The following REPS2 variants were observed in gnomAD, a reference collection of about 807,000 sequenced individuals.
REPS2 encodes RALBP1 associated Eps domain containing 2.
A neutral mutation model predicts 53.6 loss-of-function variants in REPS2; 23 were observed. The observed-to-expected ratio is 0.43, with a 90% CI of 0.31 to 0.61. The LOEUF is 0.61. REPS2 is among the 20% of genes least tolerant of loss of function. The pLI is 0.11. For missense variants in REPS2, 446 were observed against 534.9 expected, an observed-to-expected ratio of 0.83 and a Z score of 1.64; for synonymous variants, 238 against 218.6, an observed-to-expected ratio of 1.09 and a Z score of -0.78.
rs942301362 is a variant in REPS2 at position 17,040,715 on chromosome X, C to T, written c.772-6632C>T. ...TCTTTTCTTTTTAACTGGGAATCTC[C>T]TTCAAATCCATGGAAGATGAACCTA... On this transcript the variant is annotated intron_variant, in intron 5 of 17. Coordinates refer to ENST00000357277, the MANE Select transcript of REPS2 (RefSeq NM_004726.3). Among the ~76,000 whole-genome samples the T allele has an allele frequency of 2.7e-5, 3 of 112,238 alleles. No individual in the cohort carries two copies. In the East Asian group the frequency reaches 8.3e-4, roughly 31 times the overall value.
chrX:17,101,342 G>A (rs5924548), intron 13 of REPS2, among the ~76,000 whole-genome samples: 43,544 of 110,003 alleles, frequency 0.4, 6,650 homozygotes, highest in East Asian at 0.82. Flanking sequence ...GATTACAAGC[G>A]TGAGCCATCG....
rs192341506 is a variant in REPS2 at position 17,009,325 on chromosome X, A to G, written c.397+2981A>G. Among the ~76,000 whole-genome samples the G allele has an allele frequency of 2.7e-5, 3 of 111,086 alleles. No individual in the cohort carries two copies. In the East Asian group the frequency reaches 8.5e-4, roughly 32 times the overall value. On this transcript the variant is annotated intron_variant, in intron 2 of 17. Coordinates refer to ENST00000357277, the MANE Select transcript of REPS2 (RefSeq NM_004726.3). ...AGGCATGCGCCACCACTCCCTACTA[A>G]TCCTACTAATTTTTGTATTTTTTGT...
At chrX:17,087,926 ATAG>A (rs1351276690) in intron 13 of REPS2, among the ~76,000 whole-genome samples, 1 of 32,841 alleles carries the variant, frequency 3.0e-5, no homozygotes, top group Non-Finnish European at 5.3e-5. Context: ...GACTCTGTCG[ATAG>A]ATAGATAGAT....
At chrX:16,985,103 GT>G (rs1048228323) in intron 1 of REPS2, among the ~76,000 whole-genome samples, 3 of 107,965 alleles carry the variant, frequency 2.8e-5, no homozygotes, top group East Asian at 2.9e-4. Flanking sequence ...AAGAATTGAG[GT>G]TTTTTTTTTC....
At chrX:17,113,524 C>A (rs1322091602) in intron 14 of REPS2, among the ~76,000 whole-genome samples, 1 of 111,424 alleles carries the variant, frequency 9.0e-6, no homozygotes, top group Non-Finnish European at 1.9e-5. Context: ...TTGCTCAGAG[C>A]TACTCATATC....
intron 1 of REPS2, among the ~76,000 whole-genome samples, chrX:16,989,816 C>A (rs1372340728): frequency 2.7e-5 from 3 of 112,133 alleles, no homozygotes; most frequent in Non-Finnish European, 5.6e-5. Flanking sequence ...GAAATGGAAT[C>A]ATTCATACTT....
At chrX:17,179,498 A>G in the REPS2 span, among the ~76,000 whole-genome samples, 3 of 111,617 alleles carry the variant, frequency 2.7e-5, no homozygotes, top group African/African-American at 9.8e-5. Flanking sequence ...TACCAACCAT[A>G]TAAGTGAACC....
chrX:17,029,460 TG>T (rs2061682194), intron 4 of REPS2, 65 bp from the exon 5 acceptor site: 2 of 757,760 alleles, frequency 2.6e-6, no homozygotes, highest in Non-Finnish European at 4.1e-6. Context: ...TCAGTTTGAA[TG>T]TGAAGTCATA....
chrX:17,133,560 T>C (rs947820235), intron 14 of REPS2, among the ~76,000 whole-genome samples: 1 of 112,100 alleles, frequency 8.9e-6, no homozygotes, highest in Non-Finnish European at 1.9e-5. Flanking sequence ...GCATTAGTTT[T>C]TTAGCAATAC....
chrX:16,995,417 C>T (rs1490309584), intron 1 of REPS2, among the ~76,000 whole-genome samples: 1 of 112,446 alleles, frequency 8.9e-6, no homozygotes, highest in Non-Finnish European at 1.9e-5. Flanking sequence ...TCAATCCAGA[C>T]GGTTTCTAGT....
intron 14 of REPS2, among the ~76,000 whole-genome samples, chrX:17,130,704 C>G (rs964698290): frequency 1.1e-5 from 1 of 90,488 alleles, no homozygotes; most frequent in East Asian, 3.8e-4. Context: ...ATAAATATGT[C>G]TTGAATGAGT....
chrX:17,129,481 C>T (rs1490698012), intron 14 of REPS2, among the ~76,000 whole-genome samples: 1 of 111,280 alleles, frequency 9.0e-6, no homozygotes, highest in Non-Finnish European at 1.9e-5. Context: ...TCCTGAGATT[C>T]GCTCCTCCGA....
At chrX:17,084,498 C>T (rs753881757) in intron 13 of REPS2, among the ~76,000 whole-genome samples, 1 of 112,070 alleles carries the variant, frequency 8.9e-6, no homozygotes, top group South Asian at 3.7e-4. Flanking sequence ...CCAGAGCAGC[C>T]AAACCAATTT....
chrX:17,126,476 A>T (rs2063212672), intron 14 of REPS2, among the ~76,000 whole-genome samples: 1 of 112,732 alleles, frequency 8.9e-6, no homozygotes. Context: ...GTTCTTCAGG[A>T]TGTTAATAGA....
intron 13 of REPS2, among the ~76,000 whole-genome samples, chrX:17,099,552 C>T (rs1163502531): frequency 8.9e-6 from 1 of 111,765 alleles, no homozygotes; most frequent in African/African-American, 3.3e-5. Flanking sequence ...GAAAAGGTTG[C>T]CTTGAAGCAC....
intron 3 of REPS2, among the ~76,000 whole-genome samples, chrX:17,023,682 A>G (rs993891522): frequency 9.0e-6 from 1 of 111,300 alleles, no homozygotes; most frequent in Non-Finnish European, 1.9e-5. Flanking sequence ...AGGAAGAGGT[A>G]TAGGAATTTT....
intron 17 of REPS2, among the ~76,000 whole-genome samples, chrX:17,141,224 A>C (rs976151944): frequency 8.9e-6 from 1 of 112,254 alleles, no homozygotes; most frequent in Non-Finnish European, 1.9e-5. Context: ...ACACAGAGGC[A>C]ATCACTATTC....
intron 14 of REPS2, among the ~76,000 whole-genome samples, chrX:17,114,018 C>T (rs915012846): frequency 7.1e-5 from 8 of 112,016 alleles, no homozygotes; most frequent in African/African-American, 2.6e-4. Flanking sequence ...AAAATGATTA[C>T]ATGACAAAAC....
At chrX:16,986,100 T>A (rs1443499234) in intron 1 of REPS2, among the ~76,000 whole-genome samples, 6 of 112,298 alleles carry the variant, frequency 5.3e-5, no homozygotes, top group African/African-American at 1.9e-4. Context: ...TATGCTATGC[T>A]CCATCACTGC....
Sources: gnomAD v4.1 joint callset for allele counts (sites outside exome capture counted in the v4.1 genomes callset) on GRCh38, gnomAD v4.1.1 for gene constraint, MANE v1.5 for transcripts, NCBI Gene and HGNC (gene_info 2026-07-23, HGNC 2026-07-21) for gene names.